Variants in HTR4 observed in about 807,000 individuals in gnomAD.
The protein encoded by HTR4 is 5-hydroxytryptamine receptor 4.
A neutral mutation model predicts 36.8 loss-of-function variants in HTR4; 16 were observed. The ratio of observed to expected loss-of-function variants is 0.43; its 90% CI spans 0.29 to 0.66. The LOEUF (loss-of-function observed/expected upper bound fraction) is 0.66, where lower values mean the gene tolerates loss of function less well. Among genes scored for constraint, HTR4 ranks in the 30% least tolerant of loss-of-function variants. The pLI is 0.13. For missense variants in HTR4, 438 were observed against 490.9 expected, an observed-to-expected ratio of 0.89 and a Z score of 1.02; for synonymous variants, 189 against 185.1, an observed-to-expected ratio of 1.02 and a Z score of -0.17.
intron 2 of HTR4, among the ~76,000 whole-genome samples, chr5:148,595,061 T>C (rs1226484951): frequency 1.3e-5 from 2 of 151,376 alleles, no homozygotes; most frequent in East Asian, 1.9e-4. Flanking sequence ...ACCATTGTTA[T>C]ACTTTTTTCT....
chr5:148,579,427 C>A (rs1046227978), intron 2 of HTR4, among the ~76,000 whole-genome samples: 12 of 152,044 alleles, frequency 7.9e-5, no homozygotes, highest in African/African-American at 2.9e-4. Flanking sequence ...TAGAGTCAGC[C>A]AGACCTGAGT....
At chr5:148,505,365 A>T (rs1581394317) in intron 6 of HTR4, among the ~76,000 whole-genome samples, 2 of 152,332 alleles carry the variant, frequency 1.3e-5, no homozygotes, top group African/African-American at 4.8e-5. Flanking sequence ...TATTGATGGG[A>T]CATATATCAA....
chr5:148,646,204 G>A (rs564231661), intron 1 of HTR4: 1 of 152,342 alleles, frequency 6.6e-6, no homozygotes, highest in East Asian at 1.9e-4. Context: ...TGGAAGGATG[G>A]AGTGCAATCT....
chr5:148,630,937 T>A (rs899627137), intron 2 of HTR4, among the ~76,000 whole-genome samples: 4 of 152,166 alleles, frequency 2.6e-5, no homozygotes, highest in Admixed American at 6.5e-5. Context: ...TAAACCCTAC[T>A]TTTCCAGCAT....
intron 2 of HTR4, among the ~76,000 whole-genome samples, chr5:148,591,217 T>C (rs1238578657): frequency 6.6e-6 from 1 of 152,236 alleles, no homozygotes; most frequent in Non-Finnish European, 1.5e-5. Context: ...TACTATTTTG[T>C]TTTGGTTACT....
At position 148,644,422 on chromosome 5, in the gene HTR4, G is replaced by GTTTTTTTTT. The variant is rs1175588280; in HGVS notation, c.-47-7370_-47-7362dup. On this transcript the variant is annotated intron_variant, in intron 1 of 6. Transcript: ENST00000377888. The stretch of plus-strand genomic sequence containing the variant: ...AGATGAATAGGTCTCAAGCTCACAA[G>GTTTTTTTTT]TTTTTTTTTTTTTTTTTTTTTTTTT... Among the ~76,000 whole-genome samples the GTTTTTTTTT allele has an allele frequency of 7.9e-4, 32 of 40,616 alleles. 5 individuals carry two copies. The highest frequency in any genetic ancestry group is 3.6e-3 in the Admixed American group (8 of 2,238). The allele number at this position is 40,616 out of a possible 152,430, so 26.6% of individuals were successfully genotyped here.
intron 2 of HTR4, among the ~76,000 whole-genome samples, chr5:148,616,487 T>C (rs2127288800): frequency 6.6e-6 from 1 of 152,322 alleles, no homozygotes; most frequent in Non-Finnish European, 1.5e-5. Flanking sequence ...GGGCATGTTC[T>C]ATCTGCTAGT....
At chr5:148,589,192 A>G (rs1192250960) in intron 2 of HTR4, among the ~76,000 whole-genome samples, 1 of 152,202 alleles carries the variant, frequency 6.6e-6, no homozygotes, top group African/African-American at 2.4e-5. Context: ...TAGGTCAAAA[A>G]TCTAGAAGGG....
chr5:148,451,355 G>C (rs964502484), intron 5 of HTR4: 1 of 1,600,424 alleles, frequency 6.2e-7, no homozygotes, highest in Admixed American at 1.7e-5. Context: ...TTCTACTCTT[G>C]ACTTCCTTTC....
chr5:148,538,479 T>C (rs1280755199), intron 4 of HTR4, among the ~76,000 whole-genome samples: 2 of 152,200 alleles, frequency 1.3e-5, no homozygotes, highest in South Asian at 2.1e-4. Flanking sequence ...GAAAACCCCA[T>C]AGTATTGCCC....
At chr5:148,647,970 T>C (rs925575748) in intron 1 of HTR4, among the ~76,000 whole-genome samples, 5 of 152,156 alleles carry the variant, frequency 3.3e-5, no homozygotes, top group Admixed American at 3.3e-4. Context: ...TCTTGGTTTG[T>C]TTCCTCAGCA....
chr5:148,515,761 G>A (rs1757717991), intron 5 of HTR4, among the ~76,000 whole-genome samples: 1 of 151,356 alleles, frequency 6.6e-6, no homozygotes, highest in African/African-American at 2.4e-5. Flanking sequence ...TTGATTTTCA[G>A]CAATTTTTTA....
At chr5:148,539,167 G>A (rs1405129868) in intron 4 of HTR4, among the ~76,000 whole-genome samples, 1 of 152,194 alleles carries the variant, frequency 6.6e-6, no homozygotes, top group African/African-American at 2.4e-5. Context: ...TAACTGGCTA[G>A]CCATATGCAG....
intron 6 of HTR4, among the ~76,000 whole-genome samples, chr5:148,488,878 C>A (rs1187922514): frequency 1.3e-5 from 2 of 152,146 alleles, no homozygotes; most frequent in Non-Finnish European, 2.9e-5. Context: ...TTCAATACAC[C>A]AAAGTGCGAG....
At chr5:148,626,705 C>T (rs1317404487) in intron 2 of HTR4, among the ~76,000 whole-genome samples, 2 of 152,156 alleles carry the variant, frequency 1.3e-5, no homozygotes, top group Admixed American at 6.5e-5. Context: ...CAGAAGAAGG[C>T]AGAGCTTCCA....
chr5:148,586,353 C>T (rs1000226525), intron 2 of HTR4, among the ~76,000 whole-genome samples: 1 of 151,824 alleles, frequency 6.6e-6, no homozygotes, highest in Non-Finnish European at 1.5e-5. Context: ...TGAATAAATC[C>T]TGGAGCCATT....
chr5:148,486,625 G>A (rs1309870478), intron 6 of HTR4, among the ~76,000 whole-genome samples: 1 of 152,218 alleles, frequency 6.6e-6, no homozygotes, highest in Non-Finnish European at 1.5e-5. Context: ...GACAGAGACA[G>A]GCCTTCTGAT....
In HTR4 at chr5:148,506,442, C is replaced by T. The variant is rs185780203; in HGVS notation, c.1076+3014G>A. Among the ~76,000 whole-genome samples the T allele has an allele frequency of 4.0e-4, 61 of 152,264 alleles. 1 individual carries two copies. In the East Asian group the frequency reaches 0.012, roughly 29 times the overall value. ...ACCCTAGAAGAAAACCTGGGCAATA[C>T]CATTCGGGACATAGGAATGGGCAAG... On this transcript the variant is annotated intron_variant, in intron 6 of 6. Coordinates refer to ENST00000377888, the MANE Select transcript of HTR4 (RefSeq NM_000870.7).
At chr5:148,490,553 A>G (rs960958052) in intron 6 of HTR4, 10 of 1,121,764 alleles carry the variant, frequency 8.9e-6, no homozygotes, top group South Asian at 2.1e-5. Flanking sequence ...TGTAACTCAC[A>G]GAATCACAAA....
Sources: allele counts gnomAD v4.1 joint callset (sites outside exome capture counted in the v4.1 genomes callset), GRCh38; gene constraint gnomAD v4.1.1; transcripts MANE v1.5; gene names NCBI Gene and HGNC (gene_info 2026-07-23, HGNC 2026-07-21).